RACK1: variants seen among roughly 807,000 people sequenced by gnomAD.
RACK1 encodes small ribosomal subunit protein RACK1.
RACK1 carries 3 observed loss-of-function variants against 42.2 expected under a neutral mutation model. The observed-to-expected ratio is 0.07, with a 90% CI of 0.03 to 0.18. The LOEUF is 0.18. RACK1 is among the 10% of genes least tolerant of loss of function. The probability of loss-of-function intolerance (pLI) is 1.00; values close to 1 mark genes in which losing one functional copy is unlikely to be tolerated. For synonymous variants in RACK1, 181 were observed against 154.8 expected, an observed-to-expected ratio of 1.17 and a Z score of -1.25; for missense variants, 146 against 403.2, an observed-to-expected ratio of 0.36 and a Z score of 5.46.
chr5:181,239,611 A>C, intron 3 of RACK1, 29 bp from the exon 4 acceptor site: 1 of 1,424,330 alleles, frequency 7.0e-7, no homozygotes, highest in Non-Finnish European at 9.9e-7. Context: ...AAATTAGGGC[A>C]AACAGTCCTA....
chr5:181,243,473 C>T, intron 1 of RACK1: 2 of 1,470,872 alleles, frequency 1.4e-6, no homozygotes, highest in Non-Finnish European at 9.0e-7. Context: ...CAGCTGCGAG[C>T]TGATGTACAC....
chr5:181,241,670 T>A (rs1221205408), intron 2 of RACK1, 31 bp from the exon 3 acceptor site: 1 of 1,611,162 alleles, frequency 6.2e-7, no homozygotes, highest in Non-Finnish European at 8.5e-7. Flanking sequence ...ATTCTCAGAC[T>A]TAGCAAACAC....
At chr5:181,237,982 G>A (rs772879500) in intron 6 of RACK1, 117 bp downstream of exon 6, 88 of 1,091,278 alleles carry the variant, frequency 8.1e-5, no homozygotes, top group African/African-American at 5.6e-4. Flanking sequence ...ATGTCATTAC[G>A]TGGAGGCTGA....
At chr5:181,237,804 AAG>A in intron 6 of RACK1, 85 bp from the exon 7 acceptor site, 1 of 850,120 alleles carries the variant, frequency 1.2e-6, no homozygotes, top group African/African-American at 1.7e-5. Context: ...TCAAGTTAAA[AAG>A]GGATGATTTT....
At chr5:181,239,422 G>GA (rs769240032) in intron 4 of RACK1, 65 bp downstream of exon 4, 7 of 1,131,274 alleles carry the variant, frequency 6.2e-6, no homozygotes, top group Non-Finnish European at 8.1e-6. Flanking sequence ...CACAGGACTT[G>GA]GAGTGTATGA....
chr5:181,239,268 C>T lies in RACK1; in HGVS notation c.526-91G>A, dbSNP rs951236310. On this transcript the variant is annotated intron_variant, in intron 4 of 7. Transcript: ENST00000512805. ...AAAAAGGGCTTGGCACTTCTGGATA[C>T]GGTAGCCATTTCTCATTCAGTAACA... The T allele has an allele frequency of 1.6e-5, 14 of 871,092 alleles. No individual in the cohort carries two copies. In the East Asian group the frequency reaches 2.2e-4, roughly 14 times the overall value. 54.0% of individuals were successfully genotyped at this position (871,092 alleles called of 1,614,324 possible). A position where few individuals can be genotyped will look rare whatever the true frequency, so the allele number is the denominator to read the frequency against.
intron 3 of RACK1, chr5:181,241,248 GT>G: frequency 1.2e-5 from 5 of 410,404 alleles, no homozygotes; most frequent in Non-Finnish European, 2.2e-5. Flanking sequence ...GGGCAACATG[GT>G]GAAACCCTGT....
chr5:181,241,536 T>G lies in RACK1; in HGVS notation c.385A>C (p.Ile129Leu). The G allele has an allele frequency of 6.2e-7, 1 of 1,613,728 alleles. No homozygotes were observed. Among genetic ancestry groups the G allele is most frequent in the East Asian group, 2.2e-5 (1 of 44,870 alleles). The change falls in exon 3 of 8, where the codon ATC becomes CTC. Residue 129 changes from isoleucine (I) to leucine (L), a missense_variant. Transcript: ENST00000512805. ...QIVSGSRDKT[I>L]KLWNTLGVCK... ...ACACCCAGGGTATTCCATAGCTTGA[T>G]GGTTTTATCTCGAGATCCAGAGACA...
chr5:181,239,180 G>A lies in RACK1; in HGVS notation c.526-3C>T, dbSNP rs1759250822. On this transcript the variant is annotated splice_polypyrimidine_tract_variant and splice_region_variant and intron_variant, in intron 4 of 7. Transcript: ENST00000512805. ...TTGCAGTTAGCCAGGTTCCATACCT[G>A]CATAGACGTGCGGTTGACAGGTGAA... 1.3e-6 allele frequency: 2 copies of A among 1,585,270 alleles called. No individual in the cohort carries two copies. Among genetic ancestry groups the A allele is most frequent in the South Asian group, 1.1e-5 (1 of 90,556 alleles).
rs2113221832 is a variant in RACK1 at position 181,243,617 on chromosome 5, G to A, written c.109+75C>T. The A allele has an allele frequency of 6.6e-6, 10 of 1,513,440 alleles. No homozygotes were observed. The South Asian group carries it at 1.1e-4, about 17-fold the overall frequency. The allele number at this position is 1,513,440 out of a possible 1,614,324, so 93.8% of individuals were successfully genotyped here. ...GCGCCACCGGCCTGCCACACCACAC[G>A]CGGAATTCCCTACACGACACGCGGA... On this transcript the variant is annotated intron_variant, in intron 1 of 7. Transcript: ENST00000512805.
At chr5:181,241,197 G>A (rs1759331065) in intron 3 of RACK1, 1 of 256,406 alleles carries the variant, frequency 3.9e-6, no homozygotes, top group South Asian at 8.7e-5. Flanking sequence ...GGGAGGGCGA[G>A]GCAGGCAAAT....
chr5:181,243,215 G>C (rs1453197572), intron 1 of RACK1: 1 of 1,250,944 alleles, frequency 8.0e-7, no homozygotes, highest in South Asian at 1.2e-5. Flanking sequence ...ACAGGGATAG[G>C]GACGGGGAGA....
At chr5:181,242,771 C>T (rs563295395) in intron 1 of RACK1, 2 of 348,328 alleles carry the variant, frequency 5.7e-6, no homozygotes, top group East Asian at 1.6e-4. Context: ...ATTGGCCAGG[C>T]TAGTCTCTAA....
intron 1 of RACK1, chr5:181,242,561 A>AC: frequency 1.5e-6 from 1 of 650,300 alleles, no homozygotes; most frequent in East Asian, 3.1e-5. Flanking sequence ...TACCCTGATA[A>AC]CTTTTTTTTT....
At chr5:181,239,320 T>TA in intron 4 of RACK1, 143 bp from the exon 5 acceptor site, 1 of 762,142 alleles carries the variant, frequency 1.3e-6, no homozygotes. Context: ...CGTTAGATTA[T>TA]AACACATATC....
At chr5:181,238,047 G>A in intron 6 of RACK1, 52 bp downstream of exon 6, 5 of 1,595,122 alleles carry the variant, frequency 3.1e-6, no homozygotes, top group Non-Finnish European at 4.3e-6. Flanking sequence ...CCAAAACATT[G>A]CCAGGGCTCA....
At chr5:181,243,246 G>A (rs780227985) in intron 1 of RACK1, 2 of 1,340,790 alleles carry the variant, frequency 1.5e-6, no homozygotes, top group African/African-American at 3.0e-5. Context: ...GAAAAAGTAG[G>A]CCGACACTTG....
At chr5:181,239,255 G>A (rs1268831980) in intron 4 of RACK1, 78 bp from the exon 5 acceptor site, 8 of 960,818 alleles carry the variant, frequency 8.3e-6, no homozygotes, top group Non-Finnish European at 1.7e-6. Flanking sequence ...AAAGGGCTTG[G>A]CACTTCTGGA....
At chr5:181,238,070 G>C in intron 6 of RACK1, 29 bp downstream of exon 6, 1 of 1,612,588 alleles carries the variant, frequency 6.2e-7, no homozygotes, top group Non-Finnish European at 8.5e-7. Context: ...GTGCAGCCAG[G>C]TACCCAGTCA....
Sources: gnomAD v4.1 joint callset for allele counts on GRCh38, gnomAD v4.1.1 for gene constraint, MANE v1.5 for transcripts, NCBI Gene and HGNC (gene_info 2026-07-23, HGNC 2026-07-21) for gene names.